The following KIAA0319 variants were observed in gnomAD, a reference collection of about 807,000 sequenced individuals.
KIAA0319 encodes the protein dyslexia-associated protein KIAA0319.
Under a neutral mutation model 108.4 loss-of-function variants are expected in KIAA0319, and 83 were observed. The ratio of observed to expected loss-of-function variants is 0.77; its 90% CI spans 0.64 to 0.92. The LOEUF (loss-of-function observed/expected upper bound fraction) is 0.92, where lower values mean the gene tolerates loss of function less well. KIAA0319 is among the 40% of genes least tolerant of loss of function. The probability of loss-of-function intolerance (pLI) is 0.00; values close to 1 mark genes in which losing one functional copy is unlikely to be tolerated. For missense variants in KIAA0319, 1,195 were observed against 1,322.4 expected (o/e 0.90, Z 1.49); for synonymous variants, 484 against 510.4 (o/e 0.95, Z 0.70).
At chr6:24,639,145 GA>G (rs1387682256) in intron 1 of KIAA0319, among the ~76,000 whole-genome samples, 5 of 151,008 alleles carry the variant, frequency 3.3e-5, no homozygotes, top group Non-Finnish European at 7.4e-5. Flanking sequence ...ATTGATGAAA[GA>G]AAAAAAAATC....
At chr6:24,603,286 T>C (rs1582176789) in intron 1 of KIAA0319, among the ~76,000 whole-genome samples, 1 of 152,292 alleles carries the variant, frequency 6.6e-6, no homozygotes, top group East Asian at 1.9e-4. Context: ...TTCAAAAAAG[T>C]GAACTGGTTT....
chr6:24,570,092 C>T (rs1764480785), intron 11 of KIAA0319, 57 bp from the exon 12 acceptor site: 2 of 1,539,516 alleles, frequency 1.3e-6, no homozygotes, highest in Admixed American at 1.8e-5. Context: ...AGTCTGCAAT[C>T]CTGTGATTTC....
intron 1 of KIAA0319, among the ~76,000 whole-genome samples, chr6:24,641,302 C>T (rs966410910): frequency 6.6e-6 from 1 of 152,170 alleles, no homozygotes; most frequent in African/African-American, 2.4e-5. Flanking sequence ...ATCCACATAT[C>T]CATCAATGGA....
chr6:24,592,010 GT>G (rs1768562421), intron 3 of KIAA0319, among the ~76,000 whole-genome samples: 1 of 152,024 alleles, frequency 6.6e-6, no homozygotes, highest in African/African-American at 2.4e-5. Context: ...TTTTGATGTT[GT>G]CATCTGAAAT....
chr6:24,560,752 C>T (rs911236420), intron 16 of KIAA0319, among the ~76,000 whole-genome samples: 1 of 152,172 alleles, frequency 6.6e-6, no homozygotes, highest in African/African-American at 2.4e-5. Context: ...TGTCTCTTGT[C>T]CTCTTCTTAG....
In KIAA0319 at chr6:24,619,388, T is replaced by C. The variant is rs541619785; in HGVS notation, c.-105-18180A>G. Among the ~76,000 whole-genome samples the C allele has an allele frequency of 1.1e-4, 16 of 152,116 alleles. No homozygotes were observed. In the South Asian group the frequency reaches 3.1e-3, roughly 30 times the overall value. On this transcript the variant is annotated intron_variant, in intron 1 of 20. Coordinates refer to ENST00000378214, the MANE Select transcript of KIAA0319 (RefSeq NM_014809.4). The stretch of plus-strand genomic sequence containing the variant: ...TTGATTTATTTTAAGGTAGAGCATA[T>C]AGGATTTGCTGATGGATAAGATGTA...
intron 5 of KIAA0319, chr6:24,583,247 C>A (rs1229635483): frequency 9.9e-7 from 1 of 1,005,208 alleles, no homozygotes; most frequent in South Asian, 4.4e-5. Context: ...CCTATGGGTG[C>A]ACGCCACTTC....
At chr6:24,543,408 G>A (rs1042039387), downstream of KIAA0319, among the ~76,000 whole-genome samples, 3 of 152,180 alleles carry the variant, frequency 2.0e-5, no homozygotes, top group African/African-American at 7.2e-5. Flanking sequence ...GCAGTTTACT[G>A]TAAGTGAATT....
chr6:24,548,869 C>T (rs1761017709), intron 20 of KIAA0319, among the ~76,000 whole-genome samples: 1 of 152,110 alleles, frequency 6.6e-6, no homozygotes, highest in African/African-American at 2.4e-5. Context: ...AATAAAACCA[C>T]AGTGTGCAGG....
At chr6:24,609,625 G>A (rs1166291996) in intron 1 of KIAA0319, among the ~76,000 whole-genome samples, 2 of 151,506 alleles carry the variant, frequency 1.3e-5, no homozygotes, top group Admixed American at 1.3e-4. Context: ...GAAAAGGTAG[G>A]TTATTAAATA....
intron 3 of KIAA0319, among the ~76,000 whole-genome samples, chr6:24,595,561 A>AAAAC (rs1270448927): frequency 1.3e-5 from 2 of 149,526 alleles, no homozygotes; most frequent in Admixed American, 6.7e-5. Context: ...AAAAAAAAAA[A>AAAAC]AAAAAAAAAC....
In KIAA0319 at chr6:24,596,948, C is replaced by T. The variant is rs13209442; in HGVS notation, c.56-330G>A. Among the ~76,000 whole-genome samples the T allele has an allele frequency of 1.7e-4, 25 of 143,380 alleles. No individual in the cohort carries two copies. The South Asian group carries it at 3.9e-3, about 22-fold the overall frequency. 94.1% of individuals were successfully genotyped at this position (143,380 alleles called of 152,430 possible). A position where few individuals can be genotyped will look rare whatever the true frequency, so the allele number is the denominator to read the frequency against. Reference sequence around the variant, plus strand: ...TCATCCATCTACCCTTCTACTTTTCCATCCATCCATCCATCCATCCATCCA... The same window carrying T: ...TCATCCATCTACCCTTCTACTTTTCTATCCATCCATCCATCCATCCATCCA... On this transcript the variant is annotated intron_variant, in intron 2 of 20. Coordinates refer to ENST00000378214, the MANE Select transcript of KIAA0319 (RefSeq NM_014809.4).
chr6:24,577,027 G>A (rs975997365), intron 9 of KIAA0319, among the ~76,000 whole-genome samples: 2 of 152,084 alleles, frequency 1.3e-5, no homozygotes, highest in Non-Finnish European at 2.9e-5. Context: ...AACAGTTCTC[G>A]GAACAGGTAA....
At position 24,588,631 on chromosome 6, in the gene KIAA0319, G is replaced by A. The variant is rs1199735956; in HGVS notation, c.956C>T (p.Ser319Phe). Residue 319 changes from serine to phenylalanine, a missense_variant, in exon 4 of 21, where the codon TCT (serine) becomes TTT (phenylalanine). Ser to Phe is a radical substitution (Grantham distance 155, BLOSUM62 -2). Coordinates refer to ENST00000378214, the MANE Select transcript of KIAA0319 (RefSeq NM_014809.4). ...AGTGGTAGGAGATATGGGTAGCTCA[G>A]ATGGGGTGGACTCAGAGGGGGCTGC... ...TSAAPSESTP[S>F]ELPISPTTAP... is the part of the protein sequence containing the mutation. 2.5e-6 allele frequency: 4 copies of A among 1,613,992 alleles called. No individual in the cohort carries two copies. The Middle Eastern group carries it at 5.0e-4, about 200-fold the overall frequency.
chr6:24,548,167 ATG>A (rs1283304739), intron 20 of KIAA0319, among the ~76,000 whole-genome samples: 2 of 152,226 alleles, frequency 1.3e-5, no homozygotes, highest in African/African-American at 4.8e-5. Context: ...TGCTTCAGTA[ATG>A]TTTCCCATAG....
chr6:24,590,872 A>T (rs980732678), intron 3 of KIAA0319, among the ~76,000 whole-genome samples: 1 of 152,214 alleles, frequency 6.6e-6, no homozygotes, highest in Non-Finnish European at 1.5e-5. Flanking sequence ...AGTCATCAGG[A>T]CACAAGGTCC....
chr6:24,629,316 C>T (rs573804737), intron 1 of KIAA0319, among the ~76,000 whole-genome samples: 63 of 152,018 alleles, frequency 4.1e-4, no homozygotes, highest in African/African-American at 1.3e-3. Flanking sequence ...GAGATTGAGA[C>T]CATCCTGGCT....
intron 10 of KIAA0319, 44 bp downstream of exon 10, chr6:24,576,324 A>G: frequency 6.7e-7 from 1 of 1,501,068 alleles, no homozygotes; most frequent in Non-Finnish European, 9.3e-7. Context: ...AGGTAGACAG[A>G]CAGACAGACA....
At chr6:24,556,752 G>A (rs1402159266) in intron 17 of KIAA0319, 23 bp from the exon 18 acceptor site, 1 of 1,602,788 alleles carries the variant, frequency 6.2e-7, no homozygotes, top group Admixed American at 1.7e-5. Context: ...GTGTAGGGCT[G>A]AGGGCAGCAT....
Sources: allele counts gnomAD v4.1 joint callset (sites outside exome capture counted in the v4.1 genomes callset), GRCh38; gene constraint gnomAD v4.1.1; transcripts MANE v1.5; gene names NCBI Gene and HGNC (gene_info 2026-07-23, HGNC 2026-07-21).